Variants in ALOX5AP observed in about 807,000 individuals in gnomAD.
The protein encoded by ALOX5AP is arachidonate 5-lipoxygenase activating protein.
Under a neutral mutation model 18.5 loss-of-function variants are expected in ALOX5AP, and 9 were observed. The ratio of observed to expected loss-of-function variants is 0.49; its 90% CI spans 0.29 to 0.85. The LOEUF is 0.85. Ranked by LOEUF, ALOX5AP falls within the 40% of genes least tolerant of loss-of-function variation. The pLI is 0.08. For missense variants in ALOX5AP, 172 were observed against 202.5 expected (o/e 0.85, Z 0.91); for synonymous variants, 81 against 78.6 (o/e 1.03, Z -0.16).
chr13:30,741,391 C>CTTTTTTTTTTTTTTTTTTTTTTTT (rs34793607), intron 1 of ALOX5AP, among the ~76,000 whole-genome samples: 1 of 128,776 alleles, frequency 7.8e-6, no homozygotes. Context: ...CTTGTTTTGT[C>CTTTTTTTTTTTTTTTTTTTTTTTT]TTTTTTTTTT....
At chr13:30,740,614 G>A (rs565966340) in intron 1 of ALOX5AP, among the ~76,000 whole-genome samples, 39 of 152,348 alleles carry the variant, frequency 2.6e-4, no homozygotes, top group Non-Finnish European at 5.0e-4. Context: ...GTAGACAAAG[G>A]CAGCCAACTC....
At chr13:30,730,527 A>T (rs1951672896) in intron 1 of ALOX5AP, among the ~76,000 whole-genome samples, 1 of 152,152 alleles carries the variant, frequency 6.6e-6, no homozygotes, top group South Asian at 2.1e-4. Flanking sequence ...CTGTATCTCT[A>T]TGCCCTGCCT....
intron 4 of ALOX5AP, among the ~76,000 whole-genome samples, chr13:30,758,874 G>T (rs1426778835): frequency 1.3e-5 from 2 of 151,690 alleles, no homozygotes; most frequent in African/African-American, 4.9e-5. Context: ...GAGTGCAGTG[G>T]CCTGATCTTG....
At chr13:30,717,046 A>G (rs1951555911) in intron 1 of ALOX5AP, among the ~76,000 whole-genome samples, 1 of 152,168 alleles carries the variant, frequency 6.6e-6, no homozygotes, top group African/African-American at 2.4e-5. Flanking sequence ...AGCACAGCTG[A>G]CTGCCCATGC....
chr13:30,727,133 A>C (rs1424956016), intron 1 of ALOX5AP, among the ~76,000 whole-genome samples: 1 of 151,546 alleles, frequency 6.6e-6, no homozygotes, highest in Non-Finnish European at 1.5e-5. Context: ...GGCTCACTAC[A>C]ACCTCTGCCT....
At chr13:30,717,672 G>A (rs1402300019) in intron 1 of ALOX5AP, among the ~76,000 whole-genome samples, 1 of 152,220 alleles carries the variant, frequency 6.6e-6, no homozygotes, top group African/African-American at 2.4e-5. Context: ...TAGTGCAGGA[G>A]CTTCTGTCCA....
At chr13:30,733,116 G>A (rs980545726), upstream of ALOX5AP, among the ~76,000 whole-genome samples, 4 of 145,068 alleles carry the variant, frequency 2.8e-5, no homozygotes, top group South Asian at 2.2e-4. Flanking sequence ...CTGAGATCGC[G>A]CCACTGCACT....
At chr13:30,734,108 G>A (rs1023572597), upstream of ALOX5AP, among the ~76,000 whole-genome samples, 1 of 152,126 alleles carries the variant, frequency 6.6e-6, no homozygotes, top group Non-Finnish European at 1.5e-5. Flanking sequence ...ATATATATGA[G>A]GAGACTTATT....
chr13:30,736,368 A>AC lies in ALOX5AP; in HGVS notation c.70+693_70+694insC, dbSNP rs1489092571. Reference sequence around the variant, plus strand: ...TTAGTTAAAAACAACAACAACAACAAAAAACAAGCAGGATACCTAGATCTG... The same window carrying AC: ...TTAGTTAAAAACAACAACAACAACAACAAAACAAGCAGGATACCTAGATCTG... On this transcript the variant is annotated intron_variant, in intron 1 of 4. Transcript: ENST00000380490. Among the ~76,000 whole-genome samples, 1,319 of 152,220 alleles carry AC rather than the reference A, an allele frequency of 8.7e-3. 16 individuals are homozygous for AC. Among genetic ancestry groups the AC allele is most frequent in the African/African-American group, 0.03 (1,256 of 41,522 alleles).
At chr13:30,743,094 T>C (rs1951780855) in intron 1 of ALOX5AP, among the ~76,000 whole-genome samples, 1 of 151,978 alleles carries the variant, frequency 6.6e-6, no homozygotes, top group Admixed American at 6.6e-5. Context: ...GGAACTAAGT[T>C]CTGAATTTCT....
intron 1 of ALOX5AP, among the ~76,000 whole-genome samples, chr13:30,725,078 C>A (rs1951628986): frequency 6.6e-6 from 1 of 152,138 alleles, no homozygotes. Flanking sequence ...AAAGGAAAAC[C>A]CCCTCAGTGA....
At chr13:30,723,264 T>A (rs1951608178) in intron 1 of ALOX5AP, among the ~76,000 whole-genome samples, 1 of 152,224 alleles carries the variant, frequency 6.6e-6, no homozygotes, top group African/African-American at 2.4e-5. Context: ...GACTAATGTG[T>A]TGATGATTTT....
At chr13:30,742,859 G>GCCCCCCCCCCCCCCCCC (rs11316477) in intron 1 of ALOX5AP, among the ~76,000 whole-genome samples, 16 of 106,028 alleles carry the variant, frequency 1.5e-4, no homozygotes, top group South Asian at 3.4e-4. Context: ...GACCTTCACC[G>GCCCCCCCCCCCCCCCCC]CCCCCCCCCC....
In ALOX5AP at chr13:30,741,984, C is replaced by G. The variant is rs568805959; in HGVS notation, c.71-2076C>G. On this transcript the variant is annotated intron_variant, in intron 1 of 4. Coordinates refer to ENST00000380490, the MANE Select transcript of ALOX5AP (RefSeq NM_001629.4). ...AATGATCAGCATTTTCTGTCATACT[C>G]TGGTAAAAACAGATCTTTTGAATGG... is the stretch of plus-strand genomic sequence containing the variant. Among the ~76,000 whole-genome samples, 5 of 152,222 alleles carry G rather than the reference C, an allele frequency of 3.3e-5. No individual in the cohort carries two copies. The South Asian group carries it at 1.0e-3, about 32-fold the overall frequency.
chr13:30,732,708 A>C (rs921489648), upstream of ALOX5AP, among the ~76,000 whole-genome samples: 1 of 152,138 alleles, frequency 6.6e-6, no homozygotes, highest in African/African-American at 2.4e-5. Flanking sequence ...AAAACTCCAC[A>C]GTTGGTGAAG....
chr13:30,751,157 A>G (rs1446260995), intron 2 of ALOX5AP, among the ~76,000 whole-genome samples: 4 of 152,064 alleles, frequency 2.6e-5, no homozygotes, highest in African/African-American at 9.7e-5. Context: ...TCCGCCTCCC[A>G]GGTTCAAGTG....
chr13:30,719,443 G>A (rs11841107), intron 1 of ALOX5AP, among the ~76,000 whole-genome samples: 20,252 of 152,202 alleles, frequency 0.13, 1,374 homozygotes, highest in South Asian at 0.2. Context: ...AATAATATGT[G>A]TAAGGCTGCT....
intron 1 of ALOX5AP, among the ~76,000 whole-genome samples, chr13:30,741,103 C>CTTTTTTTTTTTTTTTTTTTT (rs59980433): frequency 6.2e-5 from 4 of 64,008 alleles, no homozygotes; most frequent in Non-Finnish European, 8.3e-5. Context: ...CCTCCATATC[C>CTTTTTTTTTTTTTTTTTTTT]TTTTTTTTTT....
rs75213687 is a variant in ALOX5AP at position 30,713,857 on chromosome 13, C to G, written c.116+16C>G. 1.2e-5 allele frequency: 13 copies of G among 1,068,034 alleles called. No homozygotes were observed. The African/African-American group carries it at 2.0e-4, about 16-fold the overall frequency. The allele number at this position is 1,068,034 out of a possible 1,614,324, so 66.2% of individuals were successfully genotyped here. On this transcript the variant is annotated intron_variant, in intron 1 of 5. Coordinates refer to the ALOX5AP transcript ENST00000617770. ...ATCAGTGCTGGTGTGTGTGTGTGTGCGCGCACACGCGCATGTGTGTGCATC... is the reference window on the plus strand; with the variant it reads ...ATCAGTGCTGGTGTGTGTGTGTGTGGGCGCACACGCGCATGTGTGTGCATC...
Sources: gnomAD v4.1 joint callset for allele counts (sites outside exome capture counted in the v4.1 genomes callset) on GRCh38, gnomAD v4.1.1 for gene constraint, MANE v1.5 for transcripts, NCBI Gene and HGNC (gene_info 2026-07-23, HGNC 2026-07-21) for gene names.